Variants in ADORA2B observed in about 807,000 individuals in gnomAD.
ADORA2B encodes adenosine receptor A2b.
A neutral mutation model predicts 20.8 loss-of-function variants in ADORA2B; 18 were observed. The observed-to-expected ratio is 0.87, with a 90% CI of 0.60 to 1.29. ADORA2B has a LOEUF of 1.29. Ranked by LOEUF, ADORA2B falls within the 50% of genes most tolerant of loss-of-function variation. ADORA2B has a pLI of 0.00. For missense variants in ADORA2B, 441 were observed against 422.7 expected, an observed-to-expected ratio of 1.04 and a Z score of -0.38; for synonymous variants, 179 against 178.3, an observed-to-expected ratio of 1.00 and a Z score of -0.03.
the ADORA2B span, among the ~76,000 whole-genome samples, chr17:15,906,109 A>G: frequency 6.6e-6 from 1 of 152,162 alleles, no homozygotes; most frequent in Non-Finnish European, 1.5e-5. Context: ...TTTCTTTTTC[A>G]TGCCTTTTTG....
the ADORA2B span, among the ~76,000 whole-genome samples, chr17:15,873,630 CAT>C: frequency 6.6e-5 from 10 of 152,146 alleles, no homozygotes; most frequent in Admixed American, 4.6e-4. Flanking sequence ...GGCCAAGAAA[CAT>C]GTGAAAAAAA....
At chr17:15,903,104 A>G in the ADORA2B span, among the ~76,000 whole-genome samples, 2 of 152,208 alleles carry the variant, frequency 1.3e-5, no homozygotes, top group Non-Finnish European at 1.5e-5. Context: ...AAACATCTAG[A>G]TGGATTCTGC....
At chr17:15,944,901 G>A (rs1969777977), upstream of ADORA2B, 1 of 173,268 alleles carries the variant, frequency 5.8e-6, no homozygotes, top group South Asian at 2.0e-4. The surrounding 1 kb of genome is among the most constrained non-coding windows in gnomAD (Gnocchi z 4.8). Flanking sequence ...CCGAGCTCGA[G>A]CGTGACGGGA....
chr17:15,886,880 G>A, the ADORA2B span, among the ~76,000 whole-genome samples: 2 of 129,674 alleles, frequency 1.5e-5, 1 homozygote, highest in Non-Finnish European at 3.3e-5. Context: ...GGTTTCGCCT[G>A]CCTTCAGGCG....
chr17:15,911,889 C>A, the ADORA2B span, among the ~76,000 whole-genome samples: 1 of 152,080 alleles, frequency 6.6e-6, no homozygotes, highest in African/African-American at 2.4e-5. Flanking sequence ...CATGGCAAGA[C>A]CCTATCTCTG....
upstream of ADORA2B, among the ~76,000 whole-genome samples, chr17:15,942,941 C>T (rs951280483): frequency 1.1e-4 from 17 of 152,112 alleles, no homozygotes; most frequent in African/African-American, 4.1e-4. Context: ...AAAGCCAGTA[C>T]CCCAGGAAGC....
chr17:15,891,632 G>A, the ADORA2B span, among the ~76,000 whole-genome samples: 2 of 152,004 alleles, frequency 1.3e-5, no homozygotes, highest in Admixed American at 1.3e-4. Context: ...TGTTTAGATC[G>A]CCATCAGCCT....
At chr17:15,949,374 G>A (rs1474527004) in intron 1 of ADORA2B, among the ~76,000 whole-genome samples, 4 of 151,600 alleles carry the variant, frequency 2.6e-5, no homozygotes, top group African/African-American at 4.8e-5. Context: ...TTGGCTGGGT[G>A]TGGTGGTACA....
chr17:15,919,657 G>A, the ADORA2B span, among the ~76,000 whole-genome samples: 1 of 152,088 alleles, frequency 6.6e-6, no homozygotes, highest in South Asian at 2.1e-4. Flanking sequence ...CCAGTGGTAG[G>A]CATGTTGCAA....
chr17:15,862,819 T>TTG, the ADORA2B span, among the ~76,000 whole-genome samples: 3 of 151,798 alleles, frequency 2.0e-5, no homozygotes, highest in African/African-American at 7.3e-5. Flanking sequence ...TTTTTTTTTT[T>TTG]TTTGGGAGAC....
the ADORA2B span, among the ~76,000 whole-genome samples, chr17:15,910,028 A>C: frequency 7.8e-4 from 118 of 152,120 alleles, 1 homozygote; most frequent in African/African-American, 2.5e-3. Context: ...AAGTGAGGGC[A>C]TGGCTCACAC....
the ADORA2B span, among the ~76,000 whole-genome samples, chr17:15,853,715 A>G: frequency 6.6e-6 from 1 of 152,240 alleles, no homozygotes; most frequent in African/African-American, 2.4e-5. Flanking sequence ...AAATCTCCCA[A>G]ACATTTAAGG....
chr17:15,912,088 C>T, the ADORA2B span, among the ~76,000 whole-genome samples: 1 of 151,984 alleles, frequency 6.6e-6, no homozygotes, highest in Non-Finnish European at 1.5e-5. Flanking sequence ...TGGCAGGGGC[C>T]TGTGATTCCC....
the ADORA2B span, among the ~76,000 whole-genome samples, chr17:15,873,124 C>T: frequency 6.6e-6 from 1 of 152,124 alleles, no homozygotes; most frequent in Non-Finnish European, 1.5e-5. Context: ...AGATGCTGAA[C>T]TTTGTTGAAT....
chr17:15,956,086 T>C (rs77493459), intron 1 of ADORA2B, among the ~76,000 whole-genome samples: 9,406 of 152,316 alleles, frequency 0.062, 984 homozygotes, highest in African/African-American at 0.21. Context: ...TCCCAGTGCT[T>C]TCTCATTCTT....
At chr17:15,966,022 TG>T (rs1172949826) in intron 1 of ADORA2B, among the ~76,000 whole-genome samples, 6 of 152,266 alleles carry the variant, frequency 3.9e-5, no homozygotes, top group Non-Finnish European at 7.3e-5. Flanking sequence ...GACAATGTTT[TG>T]TAGGTTTGAG....
the ADORA2B span, among the ~76,000 whole-genome samples, chr17:15,897,700 G>T: frequency 6.6e-6 from 1 of 152,192 alleles, no homozygotes; most frequent in Non-Finnish European, 1.5e-5. Context: ...CATTTTAAAA[G>T]ACGTTCAATC....
At chr17:15,902,739 G>T in the ADORA2B span, among the ~76,000 whole-genome samples, 2 of 152,112 alleles carry the variant, frequency 1.3e-5, no homozygotes, top group African/African-American at 2.4e-5. Flanking sequence ...TGATTTCCCT[G>T]TATCAGAGCT....
the ADORA2B span, among the ~76,000 whole-genome samples, chr17:15,884,487 G>A: frequency 6.6e-6 from 1 of 151,996 alleles, no homozygotes; most frequent in African/African-American, 2.4e-5. Flanking sequence ...GTGGTTTGCT[G>A]CACAGATCAA....
Sources: gnomAD v4.1 joint callset for allele counts (sites outside exome capture counted in the v4.1 genomes callset) on GRCh38, gnomAD v4.1.1 for gene constraint, Gnocchi (gnomAD v3.1) non-coding constraint, MANE v1.5 for transcripts, NCBI Gene and HGNC (gene_info 2026-07-23, HGNC 2026-07-21) for gene names.